Variants in PHLDB2 observed in about 807,000 individuals in gnomAD.
The protein encoded by PHLDB2 is pleckstrin homology-like domain family B member 2.
Under a neutral mutation model 123.6 loss-of-function variants are expected in PHLDB2, and 71 were observed. That is an observed-to-expected ratio of 0.57 (90% confidence interval 0.47 to 0.70). PHLDB2 has a LOEUF of 0.70. Among genes scored for constraint, PHLDB2 ranks in the 30% least tolerant of loss-of-function variants. The probability of loss-of-function intolerance (pLI) is 0.00; values close to 1 mark genes in which losing one functional copy is unlikely to be tolerated. For missense variants in PHLDB2, 1,446 were observed against 1,519.5 expected, an observed-to-expected ratio of 0.95 and a Z score of 0.80; for synonymous variants, 547 against 541.6, an observed-to-expected ratio of 1.01 and a Z score of -0.14.
chr3:111,894,095 A>G (rs1172547727), intron 2 of PHLDB2, among the ~76,000 whole-genome samples: 1 of 106,970 alleles, frequency 9.3e-6, no homozygotes, highest in African/African-American at 3.7e-5. Context: ...AGAGTGTGAT[A>G]TTCCCCTTCC....
At chr3:111,796,163 G>C (rs183188106) in intron 1 of PHLDB2, among the ~76,000 whole-genome samples, 26 of 152,296 alleles carry the variant, frequency 1.7e-4, no homozygotes, top group Middle Eastern at 3.4e-3. Context: ...TTCCCAAAGT[G>C]CTGGGATTAC....
At chr3:111,916,049 GTC>G (rs2068154629) in intron 3 of PHLDB2, 1 of 152,228 alleles carries the variant, frequency 6.6e-6, no homozygotes, top group Non-Finnish European at 1.5e-5. Context: ...GCTGTGTGCT[GTC>G]TCTAAAGACT....
chr3:111,841,982 G>A (rs1236232931), intron 1 of PHLDB2, among the ~76,000 whole-genome samples: 1 of 152,192 alleles, frequency 6.6e-6, no homozygotes, highest in Non-Finnish European at 1.5e-5. Flanking sequence ...GACTCACACA[G>A]ATCTAGGTCT....
At chr3:111,966,500 CATGTGTGT>C (rs2071766874) in intron 13 of PHLDB2, 105 bp from the exon 14 acceptor site, 4 of 466,870 alleles carry the variant, frequency 8.6e-6, no homozygotes, top group East Asian at 3.8e-5. Flanking sequence ...CCCTTGACCC[CATGTGTGT>C]GTGTGTGTGT....
At chr3:111,745,589 G>A (rs931434769) in intron 1 of PHLDB2, among the ~76,000 whole-genome samples, 2 of 151,944 alleles carry the variant, frequency 1.3e-5, no homozygotes, top group East Asian at 1.9e-4. Flanking sequence ...GCAAGACACC[G>A]TCTCTACAAA....
intron 1 of PHLDB2, among the ~76,000 whole-genome samples, chr3:111,879,470 C>T (rs752308279): frequency 1.4e-4 from 22 of 152,064 alleles, no homozygotes; most frequent in Admixed American, 2.6e-4. Context: ...TCATCCTCTT[C>T]GTCTTCATGT....
chr3:111,873,245 A>G (rs745393839), intron 1 of PHLDB2, among the ~76,000 whole-genome samples: 2 of 152,222 alleles, frequency 1.3e-5, no homozygotes, highest in African/African-American at 4.8e-5. Flanking sequence ...TGGCCAACCA[A>G]TCTGCTTTGG....
chr3:111,834,973 T>C (rs1372601104), intron 1 of PHLDB2, among the ~76,000 whole-genome samples: 1 of 152,070 alleles, frequency 6.6e-6, no homozygotes, highest in East Asian at 1.9e-4. Context: ...ATATCACACC[T>C]TTGTAATTTT....
chr3:111,888,254 T>C (rs917753950), intron 2 of PHLDB2, among the ~76,000 whole-genome samples: 1 of 152,132 alleles, frequency 6.6e-6, no homozygotes, highest in African/African-American at 2.4e-5. Context: ...CAAACCTAAT[T>C]ATTTCTAGCC....
intron 1 of PHLDB2, among the ~76,000 whole-genome samples, chr3:111,756,460 A>T (rs1268893280): frequency 2.0e-5 from 3 of 152,216 alleles, no homozygotes; most frequent in Admixed American, 6.5e-5. Context: ...ATCAGAGACT[A>T]GGATTGCAAC....
intron 2 of PHLDB2, among the ~76,000 whole-genome samples, chr3:111,891,327 G>A (rs1035575021): frequency 6.6e-6 from 1 of 152,062 alleles, no homozygotes; most frequent in Non-Finnish European, 1.5e-5. Flanking sequence ...CATCACTCAC[G>A]TTACTGCCTG....
At chr3:111,767,030 CAAAAAAA>C (rs5851783) in intron 1 of PHLDB2, among the ~76,000 whole-genome samples, 2 of 63,030 alleles carry the variant, frequency 3.2e-5, no homozygotes, top group African/African-American at 5.6e-5. Context: ...GACTTCATCT[CAAAAAAA>C]AAAAAAAAAA....
At chr3:111,893,409 A>G (rs1427897294) in intron 2 of PHLDB2, among the ~76,000 whole-genome samples, 1 of 152,284 alleles carries the variant, frequency 6.6e-6, no homozygotes, top group African/African-American at 2.4e-5. Flanking sequence ...GGAAGAAGCC[A>G]GCTAAATTGC....
At chr3:111,739,578 A>AC (rs2059564287) in intron 1 of PHLDB2, among the ~76,000 whole-genome samples, 1 of 3,008 alleles carries the variant, frequency 3.3e-4, no homozygotes, top group African/African-American at 4.1e-4. Flanking sequence ...GAAGTTAAAA[A>AC]AAAAAAAAAC....
At chr3:111,760,406 A>G (rs2059972068) in intron 1 of PHLDB2, among the ~76,000 whole-genome samples, 1 of 152,216 alleles carries the variant, frequency 6.6e-6, no homozygotes, top group South Asian at 2.1e-4. Flanking sequence ...GATACTAAAT[A>G]CAGGTCTCAT....
intron 1 of PHLDB2, among the ~76,000 whole-genome samples, chr3:111,756,555 A>T (rs1239243025): frequency 6.6e-6 from 1 of 152,162 alleles, no homozygotes. Context: ...TGCACGTGAG[A>T]TGGATTTACT....
At position 111,975,766 on chromosome 3, in the gene PHLDB2, T is replaced by C. The variant is rs1201429354; in HGVS notation, c.*1203T>C. 6.6e-6 allele frequency: 1 copy of C among 152,668 alleles called. No homozygotes were observed. The highest frequency in any genetic ancestry group is 1.5e-5 in the Non-Finnish European group (1 of 68,028). 9.5% of individuals were successfully genotyped at this position (152,668 alleles called of 1,614,324 possible). ...TCTAGTTTATCATGTTTTGCATGTT[T>C]GAAAGTATGAATGTGCTCTTTCCTA... On this transcript the variant is annotated 3_prime_UTR_variant, in exon 18 of 18. Coordinates refer to ENST00000431670, the MANE Select transcript of PHLDB2 (RefSeq NM_001134438.2).
chr3:111,772,987 C>G (rs772963479), intron 1 of PHLDB2, among the ~76,000 whole-genome samples: 8 of 152,178 alleles, frequency 5.3e-5, no homozygotes, highest in Non-Finnish European at 8.8e-5. Context: ...ATGTGCAAAT[C>G]ATATATTTCT....
intron 1 of PHLDB2, among the ~76,000 whole-genome samples, chr3:111,803,067 A>T (rs999555545): frequency 6.6e-6 from 1 of 152,250 alleles, no homozygotes; most frequent in African/African-American, 2.4e-5. Flanking sequence ...TAGAAACAAA[A>T]GAAAAAGCAG....
Sources: gnomAD v4.1 joint callset for allele counts (sites outside exome capture counted in the v4.1 genomes callset) on GRCh38, gnomAD v4.1.1 for gene constraint, MANE v1.5 for transcripts, NCBI Gene and HGNC (gene_info 2026-07-23, HGNC 2026-07-21) for gene names.